FAM241A: variants seen among roughly 807,000 people sequenced by gnomAD.
FAM241A encodes the protein family with sequence similarity 241 member A.
FAM241A carries 7 observed loss-of-function variants against 12.2 expected under a neutral mutation model. The observed-to-expected ratio is 0.58, with a 90% CI of 0.33 to 1.08. The LOEUF (loss-of-function observed/expected upper bound fraction) is 1.08. Ranked by LOEUF, FAM241A falls within the 50% of genes least tolerant of loss-of-function variation. The pLI is 0.04. For synonymous variants in FAM241A, 74 were observed against 68.2 expected (o/e 1.08, Z -0.42); for missense variants, 161 against 169.7 (o/e 0.95, Z 0.29).
At position 112,190,847 on chromosome 4, in the gene FAM241A, T is replaced by C. The variant is rs2110438883; in HGVS notation, c.*3909T>C. On this transcript the variant is annotated 3_prime_UTR_variant, in exon 2 of 2. Coordinates refer to ENST00000309733, the MANE Select transcript of FAM241A (RefSeq NM_152400.3). Reference sequence around the variant, plus strand: ...TCTGCCCAACATTTAATTTTTGGTATGCGTTGGAGTTCAGTCCAACAGCCT... The same window carrying C: ...TCTGCCCAACATTTAATTTTTGGTACGCGTTGGAGTTCAGTCCAACAGCCT... 1 of 152,252 alleles carries C rather than the reference T, an allele frequency of 6.6e-6. No individual in the cohort carries two copies. The highest frequency in any genetic ancestry group is 6.5e-5 in the Admixed American group (1 of 15,278). The allele number at this position is 152,252 out of a possible 1,614,324, so 9.4% of individuals were successfully genotyped here. A position where few individuals can be genotyped will look rare whatever the true frequency, so the allele number is the denominator to read the frequency against.
intron 1 of FAM241A, among the ~76,000 whole-genome samples, chr4:112,148,720 T>TTG (rs1324400923): frequency 1.3e-5 from 2 of 152,172 alleles, no homozygotes; most frequent in Non-Finnish European, 2.9e-5. Context: ...GTGTTGGTAA[T>TTG]TGTGTGTATG....
intron 1 of FAM241A, among the ~76,000 whole-genome samples, chr4:112,177,061 C>CT (rs989351075): frequency 1.6e-4 from 25 of 151,812 alleles, no homozygotes; most frequent in African/African-American, 4.4e-4. Context: ...CTTGCCGAGC[C>CT]TTTTTTTTCA....
At chr4:112,148,605 G>A (rs114897582) in intron 1 of FAM241A, among the ~76,000 whole-genome samples, 1 of 152,290 alleles carries the variant, frequency 6.6e-6, no homozygotes, top group African/African-American at 2.4e-5. Flanking sequence ...ACTGTGCCAG[G>A]TTTGAAATAG....
intron 1 of FAM241A, among the ~76,000 whole-genome samples, chr4:112,151,019 G>A (rs576617798): frequency 2.0e-5 from 3 of 152,284 alleles, no homozygotes; most frequent in Admixed American, 6.5e-5. Context: ...CACCTGAGGC[G>A]AAAAGCAGAA....
chr4:112,161,383 G>T (rs1316592026), intron 1 of FAM241A, among the ~76,000 whole-genome samples: 1 of 152,008 alleles, frequency 6.6e-6, no homozygotes, highest in African/African-American at 2.4e-5. Flanking sequence ...CTGGTTTTTT[G>T]AAAAGATCAA....
chr4:112,164,562 C>T (rs531849716), intron 1 of FAM241A, among the ~76,000 whole-genome samples: 2 of 151,872 alleles, frequency 1.3e-5, no homozygotes, highest in African/African-American at 4.8e-5. Context: ...CAAACCTGCA[C>T]GTTGTGCACA....
intron 1 of FAM241A, among the ~76,000 whole-genome samples, chr4:112,178,052 A>G (rs555991157): frequency 6.6e-6 from 1 of 152,258 alleles, no homozygotes; most frequent in African/African-American, 2.4e-5. Flanking sequence ...CAAAGTACTA[A>G]TGTAAAATTT....
At chr4:112,161,739 A>G (rs1279844546) in intron 1 of FAM241A, among the ~76,000 whole-genome samples, 1 of 152,230 alleles carries the variant, frequency 6.6e-6, no homozygotes, top group African/African-American at 2.4e-5. Flanking sequence ...TACAAAGAGG[A>G]GCTGGTACCA....
intron 1 of FAM241A, among the ~76,000 whole-genome samples, chr4:112,159,991 C>T (rs908308900): frequency 3.3e-5 from 5 of 152,184 alleles, no homozygotes; most frequent in African/African-American, 9.7e-5. Context: ...TCAAATTATG[C>T]TTGTTTGCAG....
intron 1 of FAM241A, among the ~76,000 whole-genome samples, chr4:112,150,765 A>G (rs527286577): frequency 6.6e-6 from 1 of 152,250 alleles, no homozygotes; most frequent in Non-Finnish European, 1.5e-5. Context: ...TTAGGCAAGT[A>G]ACTAACCTCT....
rs1409906493 is a variant in FAM241A, at chr4:112,191,518, A to T, written c.*4580A>T. ...GTTCTTGCGTACCTCATCTCTCTAT[A>T]CTGCCACTCTCCATTTCCAGGATTC... On this transcript the variant is annotated 3_prime_UTR_variant, in exon 2 of 2. Coordinates refer to ENST00000309733, the MANE Select transcript of FAM241A (RefSeq NM_152400.3). The T allele has an allele frequency of 6.6e-6, 1 of 152,150 alleles. No individual in the cohort carries two copies. Among genetic ancestry groups the T allele is most frequent in the African/African-American group, 2.4e-5 (1 of 41,436 alleles). 9.4% of individuals were successfully genotyped at this position (152,150 alleles called of 1,614,324 possible). A position where few individuals can be genotyped will look rare whatever the true frequency, so the allele number is the denominator to read the frequency against.
chr4:112,173,757 T>A (rs1178225028), intron 1 of FAM241A, among the ~76,000 whole-genome samples: 1 of 152,138 alleles, frequency 6.6e-6, no homozygotes, highest in Non-Finnish European at 1.5e-5. Flanking sequence ...GAGAACTAGC[T>A]ACCTACCATA....
intron 1 of FAM241A, among the ~76,000 whole-genome samples, chr4:112,177,553 A>T (rs1723847671): frequency 6.6e-6 from 1 of 152,150 alleles, no homozygotes; most frequent in Non-Finnish European, 1.5e-5. Flanking sequence ...AATGGGGGGA[A>T]ATAATAGTGC....
intron 1 of FAM241A, among the ~76,000 whole-genome samples, chr4:112,161,686 A>G (rs1723472892): frequency 6.6e-6 from 1 of 152,210 alleles, no homozygotes. Flanking sequence ...CAACCAAAAA[A>G]AGTCTAGGAC....
intron 1 of FAM241A, among the ~76,000 whole-genome samples, chr4:112,185,361 C>T (rs1415925916): frequency 1.3e-5 from 2 of 152,080 alleles, no homozygotes; most frequent in African/African-American, 4.8e-5. Context: ...ATAAGCATCA[C>T]CTAGAAACTT....
At chr4:112,154,494 C>G (rs1723312004) in intron 1 of FAM241A, among the ~76,000 whole-genome samples, 1 of 152,042 alleles carries the variant, frequency 6.6e-6, no homozygotes, top group Admixed American at 6.6e-5. Context: ...TTATGAACTT[C>G]TGGCCTCAAG....
At position 112,189,861 on chromosome 4, in the gene FAM241A, TTTC is replaced by T. The variant is rs1284032856; in HGVS notation, c.*2924_*2926del. ...GCAAATCAGATCTTTTTTTTTTTTT[TTTC>T]CTTGAAAGCCAGCTGTTAAACATAC... On this transcript the variant is annotated 3_prime_UTR_variant, in exon 2 of 2. Coordinates refer to ENST00000309733, the MANE Select transcript of FAM241A (RefSeq NM_152400.3). 1.3e-5 allele frequency: 2 copies of T among 152,198 alleles called. No homozygotes were observed. The highest frequency in any genetic ancestry group is 4.8e-5 in the African/African-American group (2 of 41,488). 9.4% of individuals were successfully genotyped at this position (152,198 alleles called of 1,614,324 possible).
chr4:112,154,601 G>A (rs1723314506), intron 1 of FAM241A, among the ~76,000 whole-genome samples: 1 of 152,088 alleles, frequency 6.6e-6, no homozygotes, highest in African/African-American at 2.4e-5. Flanking sequence ...TACCCATCTT[G>A]TAGTAGCATC....
At chr4:112,170,039 C>T (rs144654106) in intron 1 of FAM241A, among the ~76,000 whole-genome samples, 148 of 152,060 alleles carry the variant, frequency 9.7e-4, no homozygotes, top group Admixed American at 2.9e-3. Context: ...AGTTTTTTGG[C>T]GAGAAAATAT....
Sources: gnomAD v4.1 joint callset for allele counts (sites outside exome capture counted in the v4.1 genomes callset) on GRCh38, gnomAD v4.1.1 for gene constraint, MANE v1.5 for transcripts, NCBI Gene and HGNC (gene_info 2026-07-23, HGNC 2026-07-21) for gene names.